The following PRRC1 variants were observed in gnomAD, a reference collection of about 807,000 sequenced individuals.
PRRC1 encodes the protein proline rich coiled-coil 1.
Under a neutral mutation model 40.7 loss-of-function variants are expected in PRRC1, and 39 were observed. The observed-to-expected ratio is 0.96, with a 90% confidence interval of 0.74 to 1.25. The LOEUF is 1.25. Among genes scored for constraint, PRRC1 ranks in the 50% most tolerant of loss-of-function variants. The probability of loss-of-function intolerance (pLI) is 0.00; values close to 1 mark genes in which losing one functional copy is unlikely to be tolerated. For missense variants in PRRC1, 573 were observed against 548.3 expected, an observed-to-expected ratio of 1.05 and a Z score of -0.45; for synonymous variants, 175 against 193.3, an observed-to-expected ratio of 0.91 and a Z score of 0.79.
In PRRC1 at chr5:127,531,110, A is replaced by G. The variant is rs139408323; in HGVS notation, c.757+714A>G. 7.2e-5 allele frequency among the ~76,000 whole-genome samples: 11 copies of G among 152,354 alleles called. No homozygotes were observed. In the East Asian group the frequency reaches 1.2e-3, roughly 16 times the overall value. The stretch of plus-strand genomic sequence containing the variant: ...CCAATAGCTTTCACAAGTCTTGACT[A>G]TGTTGGTAGTTTACTGTCTAGTAAA... On this transcript the variant is annotated intron_variant, in intron 5 of 8. Coordinates refer to ENST00000296666, the MANE Select transcript of PRRC1 (RefSeq NM_130809.5).
At position 127,547,886 on chromosome 5, in the gene PRRC1, C is replaced by G; in HGVS notation, c.1093C>G (p.Gln365Glu). 2 of 1,611,048 alleles carry G rather than the reference C, an allele frequency of 1.2e-6. No homozygotes were observed. The highest frequency in any genetic ancestry group is 1.1e-5 in the South Asian group (1 of 90,958). The change falls in exon 8 of 9, where the codon CAA (glutamine) becomes GAA (glutamate). Residue 365 changes from glutamine to glutamate, a missense_variant. Transcript: ENST00000296666. ...VHGIHLETFT[Q>E]ATPVPLEFVQ... ...TGGCATTCATCTAGAAACATTTACACAAGCCACACCAGTGCCTTTGGAATT... is the reference window on the plus strand; with the variant it reads ...TGGCATTCATCTAGAAACATTTACAGAAGCCACACCAGTGCCTTTGGAATT...
At chr5:127,520,741 G>A (rs780834903) in intron 1 of PRRC1, among the ~76,000 whole-genome samples, 1 of 152,106 alleles carries the variant, frequency 6.6e-6, no homozygotes, top group Non-Finnish European at 1.5e-5. Flanking sequence ...GTGGTTATAC[G>A]AGATTGTGCA....
chr5:127,518,363 C>T (rs867144797), intron 1 of PRRC1, among the ~76,000 whole-genome samples: 1 of 152,212 alleles, frequency 6.6e-6, no homozygotes. Context: ...TGCATTCTCT[C>T]GTTTCTTTGT....
chr5:127,551,717 T>G lies in PRRC1; in HGVS notation c.1139T>G (p.Leu380Arg). ...TTCATCTTTCCACAGGCTCAAAGTC[T>G]AACTCCCCAGGACTATAATCTGAGG... is the stretch of plus-strand genomic sequence containing the variant. ...PLEFVQQAQS[L>R]TPQDYNLRWS... The change falls in exon 9 of 9, where the codon CTA becomes CGA. Residue 380 changes from leucine to arginine, a missense_variant. Physicochemically the swap from Leu to Arg is moderately radical, Grantham distance 102 (BLOSUM62 -2). Transcript: ENST00000296666. 6.2e-7 allele frequency: 1 copy of G among 1,614,070 alleles called. No individual in the cohort carries two copies. The highest frequency in any genetic ancestry group is 2.2e-5 in the East Asian group (1 of 44,876).
At chr5:127,528,519 G>A (rs970158425) in intron 4 of PRRC1, among the ~76,000 whole-genome samples, 1 of 152,070 alleles carries the variant, frequency 6.6e-6, no homozygotes, top group Non-Finnish European at 1.5e-5. Flanking sequence ...GGTTCACCAT[G>A]TTGGCCAGGC....
At position 127,551,947 on chromosome 5, in the gene PRRC1, C is replaced by G; in HGVS notation, c.*31C>G. The G allele has an allele frequency of 6.2e-7, 1 of 1,612,434 alleles. No individual in the cohort carries two copies. The highest frequency in any genetic ancestry group is 1.1e-5 in the South Asian group (1 of 90,930). On this transcript the variant is annotated 3_prime_UTR_variant, in exon 9 of 9. Coordinates refer to ENST00000296666, the MANE Select transcript of PRRC1 (RefSeq NM_130809.5). ...GACCTACCTGGGAGACTGAGACTTT[C>G]CCCCACTTTTAGCTTGATGTTAAAG...
intron 1 of PRRC1, among the ~76,000 whole-genome samples, chr5:127,519,614 T>G (rs765641531): frequency 6.6e-6 from 1 of 152,206 alleles, no homozygotes; most frequent in Non-Finnish European, 1.5e-5. Context: ...TTTTAGCTCA[T>G]CTCTTATTCT....
At position 127,530,403 on chromosome 5, in the gene PRRC1, A is replaced by G; in HGVS notation, c.757+7A>G. ...GGCATGGCTCCCTATATCAGTATGTACATAAGTTAGACCGGTATCTGCCAT... is the reference window on the plus strand; with the variant it reads ...GGCATGGCTCCCTATATCAGTATGTGCATAAGTTAGACCGGTATCTGCCAT... On this transcript the variant is annotated splice_region_variant and intron_variant, in intron 5 of 8. Transcript: ENST00000296666. 1.2e-6 allele frequency: 2 copies of G among 1,606,364 alleles called. No homozygotes were observed. Among genetic ancestry groups the G allele is most frequent in the Non-Finnish European group, 1.7e-6 (2 of 1,174,266 alleles).
chr5:127,526,000 T>C (rs1204422277), intron 3 of PRRC1, among the ~76,000 whole-genome samples: 4 of 152,196 alleles, frequency 2.6e-5, no homozygotes, highest in Non-Finnish European at 5.9e-5. Context: ...TCATTTCCTT[T>C]CCCTAGGTCA....
At position 127,554,001 on chromosome 5, in the gene PRRC1, G is replaced by A; in HGVS notation, c.*2085G>A. ...GTTCTGTTCTTGGCCCAGAGTTTTTGAAAAGCAGCGGAGCATGACTGACTT... is the reference window on the plus strand; with the variant it reads ...GTTCTGTTCTTGGCCCAGAGTTTTTAAAAAGCAGCGGAGCATGACTGACTT... On this transcript the variant is annotated 3_prime_UTR_variant, in exon 9 of 9. Transcript: ENST00000296666. 2 of 1,247,672 alleles carry A rather than the reference G, an allele frequency of 1.6e-6. No individual in the cohort carries two copies. The highest frequency in any genetic ancestry group is 2.2e-6 in the Non-Finnish European group (2 of 923,124). The allele number at this position is 1,247,672 out of a possible 1,614,324, so 77.3% of individuals were successfully genotyped here. A position where few individuals can be genotyped will look rare whatever the true frequency, so the allele number is the denominator to read the frequency against.
chr5:127,528,296 CTTTTT>C (rs1264225713), intron 4 of PRRC1, among the ~76,000 whole-genome samples: 1 of 151,726 alleles, frequency 6.6e-6, no homozygotes, highest in Non-Finnish European at 1.5e-5. Context: ...CTTTTCTTTT[CTTTTT>C]TCTTTTCTTC....
Position 127,551,829 on chromosome 5 carries a change from T to C in PRRC1, c.1251T>C (p.Thr417=). 6.2e-7 allele frequency: 1 copy of C among 1,614,112 alleles called. No individual in the cohort carries two copies. The highest frequency in any genetic ancestry group is 8.5e-7 in the Non-Finnish European group (1 of 1,180,006). ...VSRTDWHMAF[T]GMSRRQMIYS... ...GGACTGATTGGCACATGGCATTTAC[T>C]GGGATGTCCCGTCGGCAGATGATCT... Residue 417 remains threonine, a synonymous_variant, in exon 9 of 9, where the codon ACT becomes ACC. Coordinates refer to ENST00000296666, the MANE Select transcript of PRRC1 (RefSeq NM_130809.5).
chr5:127,525,076 C>A (rs1376676294), intron 3 of PRRC1, among the ~76,000 whole-genome samples, 156 bp downstream of exon 3: 1 of 152,140 alleles, frequency 6.6e-6, no homozygotes, highest in Non-Finnish European at 1.5e-5. Flanking sequence ...AATTGTGCAT[C>A]CCTTGTCGCA....
intron 2 of PRRC1, chr5:127,523,872 T>G (rs992022090): frequency 4.1e-5 from 10 of 246,226 alleles, no homozygotes; most frequent in African/African-American, 2.2e-4. Flanking sequence ...TAGCTTTGTC[T>G]TCTGTTCTTT....
intron 3 of PRRC1, among the ~76,000 whole-genome samples, chr5:127,525,124 T>G (rs1767585677): frequency 6.6e-6 from 1 of 151,800 alleles, no homozygotes; most frequent in East Asian, 1.9e-4. Context: ...AAAGAAACCC[T>G]ATACCTTTTA....
intron 1 of PRRC1, among the ~76,000 whole-genome samples, chr5:127,522,726 C>T: frequency 6.6e-6 from 1 of 151,488 alleles, no homozygotes. Context: ...TTATCTTATA[C>T]ACAGTACTTT....
At chr5:127,531,690 T>C (rs1413187916) in intron 5 of PRRC1, among the ~76,000 whole-genome samples, 1 of 142,986 alleles carries the variant, frequency 7.0e-6, no homozygotes, top group Non-Finnish European at 1.5e-5. Context: ...TGGCGTGATC[T>C]CAGCTCACTA....
In PRRC1 at chr5:127,552,985, C is replaced by T. The variant is rs1445382384; in HGVS notation, c.*1069C>T. On this transcript the variant is annotated 3_prime_UTR_variant, in exon 9 of 9. Coordinates refer to ENST00000296666, the MANE Select transcript of PRRC1 (RefSeq NM_130809.5). ...TTTCTATTTCGTGGAAGCCTTTTCCCCTCAAATAATATATTATATCATTTT... is the reference window on the plus strand; with the variant it reads ...TTTCTATTTCGTGGAAGCCTTTTCCTCTCAAATAATATATTATATCATTTT... The T allele has an allele frequency of 2.5e-6, 2 of 798,994 alleles. No individual in the cohort carries two copies. The highest frequency in any genetic ancestry group is 1.3e-4 in the East Asian group (1 of 7,556). 49.5% of individuals were successfully genotyped at this position (798,994 alleles called of 1,614,324 possible).
In PRRC1 at chr5:127,552,953, T is replaced by A; in HGVS notation, c.*1037T>A. ...TATATTCAATCTAGTTTATTTAGTC[T>A]ACTGTATTTCTATTTCGTGGAAGCC... On this transcript the variant is annotated 3_prime_UTR_variant, in exon 9 of 9. Coordinates refer to ENST00000296666, the MANE Select transcript of PRRC1 (RefSeq NM_130809.5). The A allele has an allele frequency of 1.2e-6, 1 of 867,908 alleles. No individual in the cohort carries two copies. Among genetic ancestry groups the A allele is most frequent in the Non-Finnish European group, 1.4e-6 (1 of 723,758 alleles). 53.8% of individuals were successfully genotyped at this position (867,908 alleles called of 1,614,324 possible). A position where few individuals can be genotyped will look rare whatever the true frequency, so the allele number is the denominator to read the frequency against.
Sources: allele counts gnomAD v4.1 joint callset (sites outside exome capture counted in the v4.1 genomes callset), GRCh38; gene constraint gnomAD v4.1.1; transcripts MANE v1.5; gene names NCBI Gene and HGNC (gene_info 2026-07-23, HGNC 2026-07-21).